The following DHX8 variants were observed in gnomAD, a reference collection of about 807,000 sequenced individuals.
DHX8 encodes DEAH-box helicase 8.
Under a neutral mutation model 140.7 loss-of-function variants are expected in DHX8, and 67 were observed. The observed-to-expected ratio is 0.48, with a 90% CI of 0.39 to 0.58. The LOEUF (loss-of-function observed/expected upper bound fraction) is 0.58. Among genes scored for constraint, DHX8 ranks in the 20% least tolerant of loss-of-function variants. The pLI is 0.00. For missense variants in DHX8, 887 were observed against 1,550.7 expected (o/e 0.57, Z 7.19); for synonymous variants, 533 against 553.2 (o/e 0.96, Z 0.51).
chr17:43,531,879 C>T (rs1405132095), intron 2 of DHX8, among the ~76,000 whole-genome samples: 1 of 152,198 alleles, frequency 6.6e-6, no homozygotes, highest in Non-Finnish European at 1.5e-5. Flanking sequence ...TTTCCCAACT[C>T]TGCACACTCG....
At chr17:43,543,280 T>TCCCTCTCTCC (rs376846245) in intron 3 of DHX8, among the ~76,000 whole-genome samples, 1 of 139,956 alleles carries the variant, frequency 7.1e-6, no homozygotes, top group Non-Finnish European at 1.5e-5. Flanking sequence ...ACACACACTC[T>TCCCTCTCTCC]CTCTCTCTCT....
chr17:43,507,418 G>C, intron 13 of DHX8, 85 bp from the exon 14 acceptor site: 2 of 1,308,338 alleles, frequency 1.5e-6, no homozygotes, highest in Non-Finnish European at 2.1e-6. Flanking sequence ...GATTATGAGT[G>C]AGAGTGACTG....
chr17:43,523,110 G>A (rs1970465733), intron 22 of DHX8, among the ~76,000 whole-genome samples: 1 of 148,444 alleles, frequency 6.7e-6, no homozygotes. Context: ...TAGTGATGTA[G>A]TTTAAAAAAA....
Position 43,499,951 on chromosome 17 carries a change from A to T in DHX8, c.1399-5A>T. On this transcript the variant is annotated splice_polypyrimidine_tract_variant and splice_region_variant and intron_variant, in intron 10 of 22. Coordinates refer to ENST00000262415, the MANE Select transcript of DHX8 (RefSeq NM_004941.3). ...TCCATGTTGTTTTTTCTTCTGTTGCACCAGAACCCAGACGGCTCCCTCTCC... is the reference window on the plus strand; with the variant it reads ...TCCATGTTGTTTTTTCTTCTGTTGCTCCAGAACCCAGACGGCTCCCTCTCC... The T allele has an allele frequency of 6.2e-7, 1 of 1,613,240 alleles. No homozygotes were observed. The highest frequency in any genetic ancestry group is 8.5e-7 in the Non-Finnish European group (1 of 1,179,698).
chr17:43,518,333 C>T (rs1157252498), intron 18 of DHX8: 1 of 152,180 alleles, frequency 6.6e-6, no homozygotes, highest in Non-Finnish European at 1.5e-5. Context: ...AATCGTGCAT[C>T]ATTCAGTCGT....
In DHX8 at chr17:43,525,661, G is replaced by T; in HGVS notation, c.*1814G>T. 2 of 985,176 alleles carry T rather than the reference G, an allele frequency of 2.0e-6. No homozygotes were observed. The highest frequency in any genetic ancestry group is 2.4e-6 in the Non-Finnish European group (2 of 829,746). The allele number at this position is 985,176 out of a possible 1,614,324, so 61.0% of individuals were successfully genotyped here. On this transcript the variant is annotated 3_prime_UTR_variant, in exon 23 of 23. Transcript: ENST00000262415. Reference sequence around the variant, plus strand: ...TTTGTTTTTGTTTTTGTTAAGACAGGATCTTGCCATCTTGCCTAGGCTGGC... The same window carrying T: ...TTTGTTTTTGTTTTTGTTAAGACAGTATCTTGCCATCTTGCCTAGGCTGGC...
chr17:43,488,061 C>G (rs1459640036), intron 1 of DHX8, among the ~76,000 whole-genome samples: 2 of 151,562 alleles, frequency 1.3e-5, no homozygotes, highest in Non-Finnish European at 2.9e-5. Context: ...AGGCAAATCA[C>G]AAGGTCGTGG....
At chr17:43,500,619 C>T (rs756486109) in intron 11 of DHX8, among the ~76,000 whole-genome samples, 12 of 151,954 alleles carry the variant, frequency 7.9e-5, no homozygotes, top group Non-Finnish European at 1.6e-4. Context: ...TTCTGAATCA[C>T]TTTAAAAATG....
chr17:43,489,275 G>A (rs1177344823), intron 1 of DHX8, among the ~76,000 whole-genome samples, 174 bp from the exon 2 acceptor site: 2 of 152,168 alleles, frequency 1.3e-5, no homozygotes, highest in Admixed American at 6.5e-5. Flanking sequence ...AGAGTGTTGG[G>A]ATTACAGGCA....
intron 9 of DHX8, among the ~76,000 whole-genome samples, chr17:43,497,418 T>C (rs117206904): frequency 6.6e-6 from 1 of 152,310 alleles, no homozygotes; most frequent in East Asian, 1.9e-4. Flanking sequence ...TGTCTCTTAG[T>C]GCTTATGTGC....
chr17:43,538,312 A>T (rs1971350774), intron 3 of DHX8, among the ~76,000 whole-genome samples: 1 of 152,138 alleles, frequency 6.6e-6, no homozygotes, highest in Non-Finnish European at 1.5e-5. Flanking sequence ...TCTCAAAAAT[A>T]AATAAATAAA....
intron 1 of DHX8, 41 bp from the exon 2 acceptor site, chr17:43,489,408 T>A: frequency 7.4e-7 from 1 of 1,358,188 alleles, no homozygotes; most frequent in Non-Finnish European, 1.0e-6. Flanking sequence ...TGATTTCTTG[T>A]TCATGTCTCT....
intron 11 of DHX8, 44 bp from the exon 12 acceptor site, chr17:43,504,600 A>G: frequency 6.5e-7 from 1 of 1,544,608 alleles, no homozygotes; most frequent in Non-Finnish European, 8.7e-7. Flanking sequence ...GTACATCTTG[A>G]GGTAGCTTGA....
intron 9 of DHX8, among the ~76,000 whole-genome samples, chr17:43,497,266 G>T (rs1198591755): frequency 2.1e-5 from 3 of 142,312 alleles, no homozygotes; most frequent in Non-Finnish European, 3.2e-5. Flanking sequence ...ATTTATATTG[G>T]TATTTCACTC....
rs146793817 is a variant in DHX8, at chr17:43,490,456, T to C, written c.300T>C (p.Thr100=). 3.1e-6 allele frequency: 5 copies of C among 1,613,340 alleles called. No homozygotes were observed. In the East Asian group the frequency reaches 8.9e-5, roughly 29 times the overall value. The change falls in exon 3 of 23, where the codon ACT becomes ACC. Residue 100 remains threonine (T), a synonymous_variant. Coordinates refer to ENST00000262415, the MANE Select transcript of DHX8 (RefSeq NM_004941.3). The part of the protein sequence containing the change: ...QTMRPPAKPS[T]SKDPVVKPKT... ...TGCGGCCTCCAGCGAAGCCTTCCAC[T>C]AGCAAAGGTAAGCAGAGCTTCCAGC... is the stretch of plus-strand genomic sequence containing the variant.
At position 43,524,344 on chromosome 17, in the gene DHX8, T is replaced by C; in HGVS notation, c.*497T>C. ...AAATGGTTTTCTGTGACTGTTTTCT[T>C]TTAGCCGAAAGGTTAGGATATTGGC... is the stretch of plus-strand genomic sequence containing the variant. On this transcript the variant is annotated 3_prime_UTR_variant, in exon 23 of 23. Coordinates refer to ENST00000262415, the MANE Select transcript of DHX8 (RefSeq NM_004941.3). 1 of 1,004,708 alleles carries C rather than the reference T, an allele frequency of 1.0e-6. No individual in the cohort carries two copies. The highest frequency in any genetic ancestry group is 1.0e-4 in the East Asian group (1 of 9,702). 62.2% of individuals were successfully genotyped at this position (1,004,708 alleles called of 1,614,324 possible).
chr17:43,521,264 G>A, intron 20 of DHX8, 105 bp from the exon 21 acceptor site: 12 of 930,090 alleles, frequency 1.3e-5, no homozygotes. Context: ...TGCCTAGCCT[G>A]ATGTGGACAC....
At chr17:43,511,942 C>G (rs560746665) in intron 16 of DHX8, among the ~76,000 whole-genome samples, 1 of 151,744 alleles carries the variant, frequency 6.6e-6, no homozygotes, top group South Asian at 2.1e-4. Flanking sequence ...ATCACTTGAG[C>G]CTGGGAGGGT....
At chr17:43,529,658 C>T (rs1332271799), downstream of DHX8, 5 of 1,612,704 alleles carry the variant, frequency 3.1e-6, no homozygotes, top group Non-Finnish European at 4.2e-6. Flanking sequence ...TGCACCGACC[C>T]CTTCCTGCTT....
Sources: gnomAD v4.1 joint callset for allele counts (sites outside exome capture counted in the v4.1 genomes callset) on GRCh38, gnomAD v4.1.1 for gene constraint, MANE v1.5 for transcripts, NCBI Gene and HGNC (gene_info 2026-07-23, HGNC 2026-07-21) for gene names.